Variants in RPP40 observed in about 807,000 individuals in gnomAD.
RPP40 encodes ribonuclease P/MRP subunit p40.
RPP40 carries 30 observed loss-of-function variants against 42.5 expected under a neutral mutation model. The observed-to-expected ratio is 0.71, with a 90% confidence interval of 0.53 to 0.96. The LOEUF (loss-of-function observed/expected upper bound fraction) is 0.96. Among genes scored for constraint, RPP40 ranks in the 40% least tolerant of loss-of-function variants. The probability of loss-of-function intolerance (pLI) is 0.00; values close to 1 mark genes in which losing one functional copy is unlikely to be tolerated. For synonymous variants in RPP40, 173 were observed against 164.0 expected (o/e 1.05, Z -0.42); for missense variants, 426 against 433.5 (o/e 0.98, Z 0.15).
intron 2 of RPP40, 194 bp downstream of exon 2, chr6:5,001,907 A>C: frequency 1.9e-6 from 1 of 530,154 alleles, no homozygotes. Context: ...GGCCAATTGC[A>C]ATCAGAAACC....
intron 2 of RPP40, chr6:5,001,845 A>G (rs1029022309): frequency 2.9e-6 from 1 of 343,032 alleles, no homozygotes; most frequent in African/African-American, 2.1e-5. Flanking sequence ...ATTAATCCTC[A>G]TTTTAAGGGG....
rs551436604 is a variant in RPP40, at chr6:4,994,837, C to T, written c.*241G>A. 4.4e-5 allele frequency: 22 copies of T among 497,188 alleles called. 1 individual carries two copies. The highest frequency in any genetic ancestry group is 2.2e-4 in the East Asian group (7 of 31,698). The allele number at this position is 497,188 out of a possible 1,614,324, so 30.8% of individuals were successfully genotyped here. A position where few individuals can be genotyped will look rare whatever the true frequency, so the allele number is the denominator to read the frequency against. On this transcript the variant is annotated 3_prime_UTR_variant, in exon 8 of 8. Coordinates refer to ENST00000380051, the MANE Select transcript of RPP40 (RefSeq NM_006638.4). ...CTGGACATCCTGGCCCAGTGTACCA[C>T]ATAGTAACCCACAACCCTGTGCTTA...
At chr6:5,001,135 A>G (rs1208007910) in intron 2 of RPP40, 1 of 456,640 alleles carries the variant, frequency 2.2e-6, no homozygotes, top group African/African-American at 2.0e-5. Flanking sequence ...AGAATTCTAG[A>G]TAAACATACA....
downstream of RPP40, among the ~76,000 whole-genome samples, chr6:4,994,370 C>T (rs187502730): frequency 1.1e-4 from 16 of 148,692 alleles, no homozygotes; most frequent in East Asian, 1.7e-3. Flanking sequence ...ACGTTGTGCA[C>T]ATGTACCCTA....
rs1489352182 is a variant in RPP40 at position 4,995,983 on chromosome 6, T to G, written c.861A>C (p.Pro287=). ...YLCTITGFIL[P]EKICLLLEHL... ...GTTCCAATAGGAGACAGATCTTCTC[T>G]GGAAGTATGAAGCCAGTGATTGTAC... is the stretch of plus-strand genomic sequence containing the variant. The change falls in exon 7 of 8, where the codon CCA becomes CCC. Residue 287 remains proline (P), a synonymous_variant. Transcript: ENST00000380051. The G allele has an allele frequency of 6.2e-7, 1 of 1,614,168 alleles. No individual in the cohort carries two copies. The highest frequency in any genetic ancestry group is 8.5e-7 in the Non-Finnish European group (1 of 1,179,992).
At position 4,999,832 on chromosome 6, in the gene RPP40, G is replaced by C; in HGVS notation, c.410C>G (p.Ser137Cys). ...TGLQGHPSQF[S>C]GRKIMKFIVS... is the part of the protein sequence containing the mutation. ...ACTAAATTTCATAATTTTTCTGCCA[G>C]AAAACTGAGATGGATGACCCTGAAG... Residue 137 changes from serine (S) to cysteine (C), a missense_variant, in exon 4 of 8, where the codon TCT (serine) becomes TGT (cysteine). Coordinates refer to ENST00000380051, the MANE Select transcript of RPP40 (RefSeq NM_006638.4). 3.1e-6 allele frequency: 5 copies of C among 1,603,268 alleles called. No individual in the cohort carries two copies. The highest frequency in any genetic ancestry group is 1.7e-4 in the Middle Eastern group (1 of 6,030).
chr6:4,997,919 G>A (rs910936586), intron 5 of RPP40, among the ~76,000 whole-genome samples: 1 of 152,196 alleles, frequency 6.6e-6, no homozygotes, highest in African/African-American at 2.4e-5. Flanking sequence ...TCCAACGTCT[G>A]GATGATCTGC....
intron 1 of RPP40, among the ~76,000 whole-genome samples, chr6:5,003,391 C>T (rs1265121591): frequency 6.7e-6 from 1 of 149,656 alleles, no homozygotes; most frequent in Non-Finnish European, 1.5e-5. Flanking sequence ...CTTCCTGGGC[C>T]GAGCCTAGGC....
chr6:4,989,912 T>C (rs1434918137), downstream of RPP40, among the ~76,000 whole-genome samples: 1 of 152,236 alleles, frequency 6.6e-6, no homozygotes, highest in Admixed American at 6.5e-5. Context: ...CCAACCTGGA[T>C]GTCCATTATT....
intron 5 of RPP40, among the ~76,000 whole-genome samples, chr6:4,996,660 C>A (rs568064714): frequency 6.6e-6 from 1 of 152,190 alleles, no homozygotes; most frequent in Non-Finnish European, 1.5e-5. Context: ...TCTGATCAGA[C>A]CCAAACTAGT....
downstream of RPP40, among the ~76,000 whole-genome samples, chr6:4,994,166 T>A (rs1388306466): frequency 6.8e-6 from 1 of 146,582 alleles, no homozygotes; most frequent in Non-Finnish European, 1.5e-5. Context: ...AAACACCGCA[T>A]GTTTTCACTC....
intron 3 of RPP40, 140 bp from the exon 4 acceptor site, chr6:5,000,044 ATTAT>A (rs747086600): frequency 5.6e-5 from 32 of 572,156 alleles, no homozygotes; most frequent in Non-Finnish European, 8.9e-5. Flanking sequence ...TCACAAGAAT[ATTAT>A]TTATGTGTAT....
chr6:5,000,016 A>C, intron 3 of RPP40, 112 bp from the exon 4 acceptor site: 1 of 634,930 alleles, frequency 1.6e-6, no homozygotes, highest in Non-Finnish European at 2.9e-6. Flanking sequence ...CAAACTGCAT[A>C]CAAGGATCTT....
chr6:4,992,673 G>A (rs1759277887), downstream of RPP40, among the ~76,000 whole-genome samples: 1 of 151,954 alleles, frequency 6.6e-6, no homozygotes, highest in Admixed American at 6.6e-5. Flanking sequence ...CCTTTTAATT[G>A]GTGGTGTTCA....
chr6:4,996,107 A>G lies in RPP40; in HGVS notation c.759-22T>C, dbSNP rs374387813. On this transcript the variant is annotated intron_variant, in intron 6 of 7. Coordinates refer to ENST00000380051, the MANE Select transcript of RPP40 (RefSeq NM_006638.4). ...ATTTCTGTCACCAAAAAAATAAAAG[A>G]GAGAGAGATAACACATGTATATCCA... is the stretch of plus-strand genomic sequence containing the variant. 5.0e-6 allele frequency: 8 copies of G among 1,612,912 alleles called. No homozygotes were observed. The African/African-American group carries it at 6.7e-5, about 13-fold the overall frequency.
downstream of RPP40, among the ~76,000 whole-genome samples, chr6:4,991,335 T>C (rs911169815): frequency 6.6e-5 from 10 of 152,266 alleles, no homozygotes; most frequent in African/African-American, 2.4e-4. Context: ...ATGTTCCATG[T>C]GTACTTGCGA....
chr6:5,002,140 A>T lies in RPP40; in HGVS notation c.229T>A (p.Leu77Ile). 6.2e-7 allele frequency: 1 copy of T among 1,612,902 alleles called. No homozygotes were observed. The highest frequency in any genetic ancestry group is 8.5e-7 in the Non-Finnish European group (1 of 1,178,992). The stretch of plus-strand genomic sequence containing the variant: ...GTACTGATGAATTCAGGTGTAATTA[A>T]TTCATGAAGAGGTAAATTCTTCACA... ...YFVKNLPLHE[L>I]ITPEFISTFI... The change falls in exon 2 of 8, where the codon TTA becomes ATA. Residue 77 changes from leucine (L) to isoleucine (I), a missense_variant. Physicochemically the swap from Leu to Ile is conservative, Grantham distance 5. Coordinates refer to ENST00000380051, the MANE Select transcript of RPP40 (RefSeq NM_006638.4).
the RPP40 span, among the ~76,000 whole-genome samples, chr6:4,989,321 CT>C: frequency 6.6e-6 from 1 of 152,118 alleles, no homozygotes; most frequent in African/African-American, 2.4e-5. Context: ...ATTACTGTTG[CT>C]TTAGAATAAC....
At position 5,002,212 on chromosome 6, in the gene RPP40, A is replaced by G; in HGVS notation, c.157T>C (p.Ser53Pro). Residue 53 changes from serine to proline, a missense_variant, in exon 2 of 8, where the codon TCG becomes CCG. By Grantham distance (74) the Ser-to-Pro change is moderately conservative. Transcript: ENST00000380051. ...SFLIPECGILSEELKNLVMNT... is the reference protein window; with the variant it reads ...SFLIPECGILPEELKNLVMNT... ...ATGACCAGGTTTTTCAGTTCTTCCG[A>G]TAGTATCCCACATTCAGGAATGAGA... 6.2e-7 allele frequency: 1 copy of G among 1,613,580 alleles called. No homozygotes were observed. Among genetic ancestry groups the G allele is most frequent in the East Asian group, 2.2e-5 (1 of 44,870 alleles).
Sources: gnomAD v4.1 joint callset for allele counts (sites outside exome capture counted in the v4.1 genomes callset) on GRCh38, gnomAD v4.1.1 for gene constraint, MANE v1.5 for transcripts, NCBI Gene and HGNC (gene_info 2026-07-23, HGNC 2026-07-21) for gene names.